FGGY: variants seen among roughly 807,000 people sequenced by gnomAD.
FGGY encodes FGGY carbohydrate kinase domain containing.
FGGY carries 72 observed loss-of-function variants against 71.3 expected under a neutral mutation model. That is an observed-to-expected ratio of 1.01 (90% CI 0.84 to 1.23). The LOEUF (loss-of-function observed/expected upper bound fraction) is 1.23, where lower values mean the gene tolerates loss of function less well. Ranked by LOEUF, FGGY falls within the 50% of genes most tolerant of loss-of-function variation. FGGY has a pLI of 0.00. For missense variants in FGGY, 668 were observed against 682.3 expected (o/e 0.98, Z 0.23); for synonymous variants, 251 against 250.3 (o/e 1.00, Z -0.02).
chr1:59,321,837 G>T (rs2046449472), intron 2 of FGGY, 87 bp downstream of exon 2: 4 of 1,387,540 alleles, frequency 2.9e-6, no homozygotes, highest in Non-Finnish European at 3.9e-6. Flanking sequence ...ACAATGTTGG[G>T]GTAACTTTAG....
Position 59,299,532 on chromosome 1 carries a change from G to C in FGGY, c.-15+2382G>C, listed in dbSNP as rs561312006. On this transcript the variant is annotated intron_variant, in intron 1 of 15. Coordinates refer to ENST00000303721, the MANE Select transcript of FGGY (RefSeq NM_018291.5). ...GGTAATAGTTATGGGAGTGGAGAGA[G>C]ATTAGGAAAATAGAATGGTTAGGAA... Among the ~76,000 whole-genome samples the C allele has an allele frequency of 2.0e-5, 3 of 152,312 alleles. No homozygotes were observed. In the South Asian group the frequency reaches 6.2e-4, roughly 32 times the overall value.
chr1:59,534,411 G>C (rs1267801142), intron 7 of FGGY, among the ~76,000 whole-genome samples: 1 of 151,646 alleles, frequency 6.6e-6, no homozygotes, highest in Non-Finnish European at 1.5e-5. Flanking sequence ...CACTCTGCAG[G>C]ATATTATCCA....
chr1:59,450,647 T>G (rs112489244), intron 5 of FGGY, among the ~76,000 whole-genome samples: 7 of 152,264 alleles, frequency 4.6e-5, no homozygotes, highest in African/African-American at 1.7e-4. Flanking sequence ...TACAATCACA[T>G]ATTTAAATAG....
intron 5 of FGGY, among the ~76,000 whole-genome samples, chr1:59,423,297 CTCCTAGGTGGT>C (rs1218792356): frequency 2.0e-5 from 3 of 152,156 alleles, no homozygotes; most frequent in Non-Finnish European, 2.9e-5. Flanking sequence ...ACAGAAGCCT[CTCCTAGGTGGT>C]TCACCCATAT....
At chr1:59,682,156 G>C (rs116074277) in intron 14 of FGGY, among the ~76,000 whole-genome samples, 2,292 of 152,262 alleles carry the variant, frequency 0.015, 24 homozygotes, top group Middle Eastern at 0.051. Context: ...AACAGGGTTA[G>C]AGAGAGTAAG....
intron 14 of FGGY, among the ~76,000 whole-genome samples, chr1:59,691,530 G>A (rs953489986): frequency 7.9e-5 from 12 of 152,174 alleles, no homozygotes; most frequent in African/African-American, 2.9e-4. Flanking sequence ...TCCGTCTGGG[G>A]ATCTGACCTC....
At chr1:59,532,965 A>T (rs2095194202) in intron 7 of FGGY, among the ~76,000 whole-genome samples, 2 of 152,238 alleles carry the variant, frequency 1.3e-5, no homozygotes, top group Non-Finnish European at 2.9e-5. Flanking sequence ...TCTCTAATCC[A>T]GAGGCAACCA....
intron 7 of FGGY, among the ~76,000 whole-genome samples, chr1:59,540,916 A>G (rs1485905175): frequency 6.6e-6 from 1 of 152,220 alleles, no homozygotes; most frequent in African/African-American, 2.4e-5. Flanking sequence ...TAGGTGCTTC[A>G]TAAATGTTAA....
chr1:59,341,874 C>T (rs145476569), intron 3 of FGGY, among the ~76,000 whole-genome samples: 13 of 152,256 alleles, frequency 8.5e-5, no homozygotes, highest in African/African-American at 2.2e-4. Flanking sequence ...GATCAGATGT[C>T]TCTTACTGTT....
intron 5 of FGGY, among the ~76,000 whole-genome samples, chr1:59,389,941 G>T (rs1282780765): frequency 6.6e-6 from 1 of 152,056 alleles, no homozygotes; most frequent in Non-Finnish European, 1.5e-5. Context: ...AAAAATTAAA[G>T]GTGTCTGAGA....
At chr1:59,508,239 C>T (rs189339737) in intron 6 of FGGY, among the ~76,000 whole-genome samples, 1,626 of 152,250 alleles carry the variant, frequency 0.011, 13 homozygotes, top group Non-Finnish European at 0.014. Context: ...TTCTACATGG[C>T]CCTAAGAGTC....
At chr1:59,614,405 T>G (rs1485931573) in intron 9 of FGGY, among the ~76,000 whole-genome samples, 3 of 152,306 alleles carry the variant, frequency 2.0e-5, no homozygotes, top group African/African-American at 7.2e-5. Flanking sequence ...AACCACATGA[T>G]TATCTCAATA....
At chr1:59,645,538 T>C (rs1420447296) in intron 11 of FGGY, among the ~76,000 whole-genome samples, 1 of 152,314 alleles carries the variant, frequency 6.6e-6, no homozygotes, top group East Asian at 1.9e-4. Context: ...TTCAAGTCCT[T>C]GGCCCTCAGT....
chr1:59,394,094 C>T (rs1239531089), intron 5 of FGGY, among the ~76,000 whole-genome samples: 2 of 152,168 alleles, frequency 1.3e-5, no homozygotes, highest in Non-Finnish European at 2.9e-5. Context: ...TTTGTTTTGC[C>T]TTGGAAGGGC....
At chr1:59,512,872 C>G (rs2094551547) in intron 7 of FGGY, among the ~76,000 whole-genome samples, 1 of 152,122 alleles carries the variant, frequency 6.6e-6, no homozygotes, top group African/African-American at 2.4e-5. Flanking sequence ...TTGATTTTAT[C>G]TTGTACATAA....
chr1:59,425,039 C>G (rs184438698), intron 5 of FGGY, among the ~76,000 whole-genome samples: 9 of 152,270 alleles, frequency 5.9e-5, no homozygotes, highest in East Asian at 5.8e-4. Context: ...ATCTTGAGAT[C>G]TCTGAGTTTC....
intron 6 of FGGY, among the ~76,000 whole-genome samples, chr1:59,464,703 C>A (rs1003742251): frequency 6.6e-5 from 10 of 152,228 alleles, no homozygotes; most frequent in African/African-American, 2.2e-4. Flanking sequence ...CCACCAATCC[C>A]ACAGAAATAC....
intron 14 of FGGY, among the ~76,000 whole-genome samples, chr1:59,708,818 C>A (rs534286425): frequency 5.9e-4 from 90 of 152,290 alleles, no homozygotes; most frequent in Middle Eastern, 3.4e-3. Context: ...TTTTTGAGCA[C>A]TGATATGACA....
intron 11 of FGGY, among the ~76,000 whole-genome samples, chr1:59,657,108 A>T (rs1338418621): frequency 6.6e-6 from 1 of 152,206 alleles, no homozygotes; most frequent in Non-Finnish European, 1.5e-5. Context: ...CTTCTCTCTT[A>T]TGGATTCTTA....
Sources: gnomAD v4.1 joint callset for allele counts (sites outside exome capture counted in the v4.1 genomes callset) on GRCh38, gnomAD v4.1.1 for gene constraint, MANE v1.5 for transcripts, NCBI Gene and HGNC (gene_info 2026-07-23, HGNC 2026-07-21) for gene names.